The following FILIP1L variants were observed in gnomAD, a reference collection of about 807,000 sequenced individuals.
FILIP1L encodes the protein filamin A interacting protein 1 like.
FILIP1L carries 55 observed loss-of-function variants against 96.6 expected under a neutral mutation model. The ratio of observed to expected loss-of-function variants is 0.57; its 90% CI spans 0.46 to 0.71. The LOEUF (loss-of-function observed/expected upper bound fraction) is 0.71, where lower values mean the gene tolerates loss of function less well. Among genes scored for constraint, FILIP1L ranks in the 30% least tolerant of loss-of-function variants. The pLI, the probability that FILIP1L is intolerant of heterozygous loss-of-function variation, is 0.00. For synonymous variants in FILIP1L, 467 were observed against 473.9 expected (o/e 0.99, Z 0.19); for missense variants, 1,304 against 1,321.2 (o/e 0.99, Z 0.20).
chr3:99,986,095 C>G (rs551137959), intron 1 of FILIP1L, among the ~76,000 whole-genome samples: 70 of 152,196 alleles, frequency 4.6e-4, no homozygotes, highest in Non-Finnish European at 9.4e-4. Context: ...ATTTATTTCA[C>G]TTGTGTTTTC....
chr3:100,034,071 C>G (rs1404370437), intron 1 of FILIP1L, among the ~76,000 whole-genome samples: 2 of 152,110 alleles, frequency 1.3e-5, no homozygotes, highest in African/African-American at 4.8e-5. Flanking sequence ...CATTAGTGAC[C>G]CGTTAATACA....
intron 4 of FILIP1L, among the ~76,000 whole-genome samples, chr3:99,857,664 A>G (rs1002665746): frequency 3.9e-5 from 6 of 152,200 alleles, no homozygotes; most frequent in Admixed American, 6.5e-5. Context: ...GGTCCATAGA[A>G]ATAAACTTAG....
At chr3:99,876,054 T>C in intron 4 of FILIP1L, 2 of 985,758 alleles carry the variant, frequency 2.0e-6, no homozygotes, top group African/African-American at 1.7e-5. Flanking sequence ...TGGAGCGAAG[T>C]TGCTCTCCCG....
intron 1 of FILIP1L, among the ~76,000 whole-genome samples, chr3:99,961,798 C>T (rs926101689): frequency 1.3e-5 from 2 of 152,086 alleles, no homozygotes; most frequent in Non-Finnish European, 2.9e-5. Flanking sequence ...TTCTAGATGT[C>T]AAACATCTTT....
At chr3:99,836,555 G>A (rs540627189) in intron 5 of FILIP1L, among the ~76,000 whole-genome samples, 1 of 152,112 alleles carries the variant, frequency 6.6e-6, no homozygotes, top group African/African-American at 2.4e-5. Flanking sequence ...CCACTCAACT[G>A]CCGCTCTTTT....
intron 1 of FILIP1L, among the ~76,000 whole-genome samples, chr3:99,999,763 T>G (rs1709789012): frequency 6.6e-6 from 1 of 152,196 alleles, no homozygotes; most frequent in Non-Finnish European, 1.5e-5. Flanking sequence ...TCTTGCTCAA[T>G]GGCAAGGGGA....
intron 1 of FILIP1L, among the ~76,000 whole-genome samples, chr3:100,028,763 T>C (rs2064971567): frequency 6.6e-6 from 1 of 152,018 alleles, no homozygotes; most frequent in Admixed American, 6.6e-5. Flanking sequence ...TTTCCAAGAG[T>C]CAGTTCTTGT....
intron 1 of FILIP1L, among the ~76,000 whole-genome samples, chr3:100,011,226 G>A (rs983667531): frequency 6.6e-6 from 1 of 152,094 alleles, no homozygotes; most frequent in Non-Finnish European, 1.5e-5. Flanking sequence ...TAAAAGTGAG[G>A]TAGGTTATGA....
chr3:99,850,573 A>G lies in FILIP1L; in HGVS notation c.1103T>C (p.Ile368Thr), dbSNP rs1477992934. ...CCTGAGCTCTTCCACTTCAGCCATG[A>G]TACCAGCGTTTCCATATTCTCCCTT... The part of the protein sequence containing the change: ...ISKGEYGNAG[I>T]MAEVEELRKR... The change falls in exon 5 of 6, where the codon ATC (isoleucine) becomes ACC (threonine). Residue 368 changes from isoleucine to threonine, a missense_variant. Transcript: ENST00000477258. 6.2e-6 allele frequency: 10 copies of G among 1,613,734 alleles called. No homozygotes were observed. In the South Asian group the frequency reaches 1.1e-4, roughly 18 times the overall value.
In FILIP1L at chr3:99,849,875, C is replaced by G. The variant is rs1943574608; in HGVS notation, c.1801G>C (p.Asp601His). ...TGATTTAATTTGTTTTTTAGGAAAT[C>G]TTTCTCAATTGCTTCCAATGATTGA... is the stretch of plus-strand genomic sequence containing the variant. Reference protein sequence around the residue: ...RLQSLEAIEKDFLKNKLNQDS... With the variant: ...RLQSLEAIEKHFLKNKLNQDS... The change falls in exon 5 of 6, where the codon GAT (aspartate) becomes CAT (histidine). Residue 601 changes from aspartate to histidine, a missense_variant. Transcript: ENST00000477258. The G allele has an allele frequency of 3.1e-6, 5 of 1,610,946 alleles. No individual in the cohort carries two copies. Among genetic ancestry groups the G allele is most frequent in the Admixed American group, 1.7e-5 (1 of 59,450 alleles).
intron 5 of FILIP1L, among the ~76,000 whole-genome samples, chr3:99,837,567 C>T (rs1942952791): frequency 6.6e-6 from 1 of 152,120 alleles, no homozygotes; most frequent in African/African-American, 2.4e-5. Context: ...GACATAGGAG[C>T]CAACTTGACA....
intron 1 of FILIP1L, among the ~76,000 whole-genome samples, chr3:100,004,604 T>C (rs1014079757): frequency 1.3e-5 from 2 of 152,140 alleles, no homozygotes; most frequent in Non-Finnish European, 2.9e-5. Context: ...AGAAACATCA[T>C]CATCATCAGG....
chr3:99,943,809 A>G (rs1576590701), intron 1 of FILIP1L, among the ~76,000 whole-genome samples: 1 of 152,248 alleles, frequency 6.6e-6, no homozygotes, highest in East Asian at 1.9e-4. Context: ...AGCAGGGGAA[A>G]GAGCATAGGC....
At chr3:99,974,049 A>G (rs1039604863) in intron 1 of FILIP1L, among the ~76,000 whole-genome samples, 5 of 152,254 alleles carry the variant, frequency 3.3e-5, no homozygotes, top group Middle Eastern at 3.2e-3. Flanking sequence ...TTTAAGAACA[A>G]GAAGGTTTTC....
At chr3:99,929,016 A>G (rs779313172) in intron 3 of FILIP1L, among the ~76,000 whole-genome samples, 1 of 152,208 alleles carries the variant, frequency 6.6e-6, no homozygotes, top group African/African-American at 2.4e-5. Context: ...GTCCTGAGGT[A>G]GGTTGCCAGA....
At chr3:99,859,477 C>G (rs1334143106) in intron 4 of FILIP1L, among the ~76,000 whole-genome samples, 1 of 152,160 alleles carries the variant, frequency 6.6e-6, no homozygotes, top group Admixed American at 6.5e-5. Flanking sequence ...TCTCATTATT[C>G]CAGAGCTAGT....
chr3:100,079,206 C>T (rs2065896213), intron 1 of FILIP1L, among the ~76,000 whole-genome samples: 1 of 152,278 alleles, frequency 6.6e-6, no homozygotes, highest in South Asian at 2.1e-4. Context: ...AGGTGAGAGT[C>T]GCCAGGCCAT....
intron 1 of FILIP1L, among the ~76,000 whole-genome samples, chr3:99,973,260 A>C (rs1348515297): frequency 1.3e-5 from 2 of 152,308 alleles, no homozygotes; most frequent in Non-Finnish European, 2.9e-5. Flanking sequence ...TGATCTCATT[A>C]GTGGATGTTA....
intron 1 of FILIP1L, among the ~76,000 whole-genome samples, chr3:100,026,404 A>T (rs1204630816): frequency 1.3e-5 from 2 of 152,024 alleles, no homozygotes; most frequent in South Asian, 4.2e-4. Context: ...AGCAAGGTCG[A>T]TAGTGAACCA....
Sources: gnomAD v4.1 joint callset for allele counts (sites outside exome capture counted in the v4.1 genomes callset) on GRCh38, gnomAD v4.1.1 for gene constraint, MANE v1.5 for transcripts, NCBI Gene and HGNC (gene_info 2026-07-23, HGNC 2026-07-21) for gene names.